The following AFF4 variants were observed in gnomAD, a reference collection of about 807,000 sequenced individuals.
AFF4 encodes the protein ALF transcription elongation factor 4, also known as AF4/FMR2 family member 4.
A neutral mutation model predicts 124.8 loss-of-function variants in AFF4; 13 were observed. The observed-to-expected ratio is 0.10, with a 90% CI of 0.07 to 0.17. The LOEUF (loss-of-function observed/expected upper bound fraction) is 0.17. Ranked by LOEUF, AFF4 falls within the 10% of genes least tolerant of loss-of-function variation. The probability of loss-of-function intolerance (pLI) is 1.00; values close to 1 mark genes in which losing one functional copy is unlikely to be tolerated. For synonymous variants in AFF4, 477 were observed against 496.1 expected, an observed-to-expected ratio of 0.96 and a Z score of 0.51; for missense variants, 1,092 against 1,403.8, an observed-to-expected ratio of 0.78 and a Z score of 3.55.
chr5:132,895,808 G>C (rs544982077), intron 11 of AFF4, among the ~76,000 whole-genome samples: 11 of 152,318 alleles, frequency 7.2e-5, no homozygotes, highest in African/African-American at 2.6e-4. Context: ...AATTATCTTG[G>C]AAGTATTTAG....
chr5:132,893,302 A>G (rs1760308302), intron 11 of AFF4, among the ~76,000 whole-genome samples, 184 bp from the exon 12 acceptor site: 1 of 152,204 alleles, frequency 6.6e-6, no homozygotes, highest in Non-Finnish European at 1.5e-5. Flanking sequence ...CCTATTTTAG[A>G]TACACAAAAC....
rs752156289 is a variant in AFF4, at chr5:132,889,092, C to T, written c.2719G>A (p.Val907Ile). The change falls in exon 14 of 21, where the codon GTC (valine) becomes ATC (isoleucine). Residue 907 changes from valine to isoleucine, a missense_variant. Val to Ile is a conservative substitution (Grantham distance 29, BLOSUM62 3). Around this residue, in one of 11 missense-constraint regions of AFF4, gnomAD observed 293 missense variants for 280.2 expected, o/e 1.05. Transcript: ENST00000265343. ...DSSKPRRTKL[V>I]FDDRNYSADH... ...ATATTATCTCACCTGTCATCAAAGACAAGCTTTGTTCTCCGAGGCTTAGAA... is the reference window on the plus strand; with the variant it reads ...ATATTATCTCACCTGTCATCAAAGATAAGCTTTGTTCTCCGAGGCTTAGAA... 6.8e-6 allele frequency: 11 copies of T among 1,612,756 alleles called. No individual in the cohort carries two copies. Among genetic ancestry groups the T allele is most frequent in the Admixed American group, 1.7e-5 (1 of 59,982 alleles).
At chr5:132,949,816 C>T (rs779049446) in intron 1 of AFF4, among the ~76,000 whole-genome samples, 7 of 144,566 alleles carry the variant, frequency 4.8e-5, no homozygotes, top group East Asian at 2.0e-4. Context: ...GAGCAGAGAT[C>T]GCGCCACTGC....
chr5:132,902,987 T>C (rs928690943), intron 6 of AFF4, among the ~76,000 whole-genome samples: 3 of 152,196 alleles, frequency 2.0e-5, no homozygotes, highest in Admixed American at 1.3e-4. Context: ...TATGCTGATA[T>C]AGAAATAGCT....
chr5:132,902,617 C>T (rs577456400), intron 6 of AFF4, 130 bp from the exon 7 acceptor site: 7 of 707,826 alleles, frequency 9.9e-6, no homozygotes, highest in South Asian at 5.1e-5. Flanking sequence ...AAACTGGTAA[C>T]ACCTTCAAGC....
At chr5:132,916,566 T>A (rs1006856414) in intron 5 of AFF4, among the ~76,000 whole-genome samples, 1 of 152,178 alleles carries the variant, frequency 6.6e-6, no homozygotes, top group African/African-American at 2.4e-5. Flanking sequence ...ATGATCTTAA[T>A]ACTTCAGCCC....
intron 1 of AFF4, among the ~76,000 whole-genome samples, chr5:132,954,157 C>T (rs529551930): frequency 6.6e-6 from 1 of 152,306 alleles, no homozygotes; most frequent in Admixed American, 6.5e-5. Flanking sequence ...ACCAGTTTCA[C>T]AGACGACAAT....
In AFF4 at chr5:132,898,217, G is replaced by T; in HGVS notation, c.1389+13C>A. 6.8e-6 allele frequency: 11 copies of T among 1,613,818 alleles called. No individual in the cohort carries two copies. The highest frequency in any genetic ancestry group is 9.3e-6 in the Non-Finnish European group (11 of 1,179,870). The stretch of plus-strand genomic sequence containing the variant: ...GAGGGCCTGTGGAAGGTACCCCACC[G>T]CCTCTGTCTCACCTCGGGAGATGCA... On this transcript the variant is annotated intron_variant, in intron 10 of 20. Coordinates refer to ENST00000265343, the MANE Select transcript of AFF4 (RefSeq NM_014423.4).
intron 1 of AFF4, chr5:132,948,406 T>C (rs1393406774): frequency 6.6e-6 from 1 of 152,192 alleles, no homozygotes; most frequent in Non-Finnish European, 1.5e-5. Context: ...CTAATTTTCA[T>C]TCACAAATAA....
chr5:132,910,864 G>A (rs1760778926), intron 5 of AFF4, among the ~76,000 whole-genome samples: 1 of 152,174 alleles, frequency 6.6e-6, no homozygotes, highest in Non-Finnish European at 1.5e-5. Context: ...TCTATCTCCA[G>A]TGTCAAGAAC....
intron 5 of AFF4, among the ~76,000 whole-genome samples, chr5:132,918,695 A>G (rs933398364): frequency 1.3e-5 from 2 of 152,120 alleles, no homozygotes; most frequent in Admixed American, 1.3e-4. Flanking sequence ...CAAAATCTAC[A>G]TATTGAAAAC....
intron 5 of AFF4, among the ~76,000 whole-genome samples, chr5:132,904,817 G>A (rs939106027): frequency 7.9e-5 from 12 of 151,962 alleles, no homozygotes; most frequent in Admixed American, 1.3e-4. Context: ...TTGGGAGGCC[G>A]AGGCTGGCGG....
At chr5:132,959,748 A>C (rs1581343981) in intron 1 of AFF4, among the ~76,000 whole-genome samples, 1 of 134,542 alleles carries the variant, frequency 7.4e-6, no homozygotes, top group Non-Finnish European at 1.6e-5. Flanking sequence ...AACAAGTAGG[A>C]GTGCTTTTCT....
chr5:132,913,403 T>A (rs1760838141), intron 5 of AFF4, among the ~76,000 whole-genome samples: 1 of 152,200 alleles, frequency 6.6e-6, no homozygotes, highest in African/African-American at 2.4e-5. Context: ...TATAACACTA[T>A]AAGCCAACTT....
At chr5:132,908,776 A>ATATTT (rs375891983) in intron 5 of AFF4, among the ~76,000 whole-genome samples, 261 of 114,886 alleles carry the variant, frequency 2.3e-3, no homozygotes, top group African/African-American at 7.0e-3. Flanking sequence ...ATATATATAT[A>ATATTT]TTTTTTTTTT....
Position 132,880,259 on chromosome 5 carries a change from C to G in AFF4, c.*800G>C. 1 of 398,940 alleles carries G rather than the reference C, an allele frequency of 2.5e-6. No individual in the cohort carries two copies. 24.7% of individuals were successfully genotyped at this position (398,940 alleles called of 1,614,324 possible). A position where few individuals can be genotyped will look rare whatever the true frequency, so the allele number is the denominator to read the frequency against. ...AGGATTGTCCTTTTATGAAACCCTT[C>G]AACATGAAATGCTTCTTCTAGAAAG... On this transcript the variant is annotated 3_prime_UTR_variant, in exon 21 of 21. Coordinates refer to ENST00000265343, the MANE Select transcript of AFF4 (RefSeq NM_014423.4).
chr5:132,883,478 C>A lies in AFF4; in HGVS notation c.3226G>T (p.Ala1076Ser). 6.2e-7 allele frequency: 1 copy of A among 1,614,048 alleles called. No homozygotes were observed. The highest frequency in any genetic ancestry group is 8.5e-7 in the Non-Finnish European group (1 of 1,180,028). Residue 1076 changes from alanine (A) to serine (S), a missense_variant, in exon 20 of 21, where the codon GCT (alanine) becomes TCT (serine). Around this residue, in one of 11 missense-constraint regions of AFF4, gnomAD observed 173 missense variants for 294.9 expected, o/e 0.59. Transcript: ENST00000265343. ...SGNYSSGASS[A>S]SASGSSVTIP... is the part of the protein sequence containing the mutation. ...GTCACTGAAGAACCACTTGCAGAAG[C>A]ACTACTGGCCCCAGATGAATAATTT...
intron 2 of AFF4, among the ~76,000 whole-genome samples, chr5:132,936,266 CAAAAAAA>C (rs747936348): frequency 2.2e-4 from 10 of 45,460 alleles, no homozygotes; most frequent in East Asian, 1.2e-3. Flanking sequence ...GACTCCGTCT[CAAAAAAA>C]AAAAAAAAAA....
At chr5:132,928,441 T>C (rs1761227234) in intron 4 of AFF4, among the ~76,000 whole-genome samples, 1 of 152,222 alleles carries the variant, frequency 6.6e-6, no homozygotes, top group Admixed American at 6.5e-5. Context: ...CTAGTGATCT[T>C]TGTAGCCAAG....
Sources: gnomAD v4.1 joint callset for allele counts (sites outside exome capture counted in the v4.1 genomes callset) on GRCh38, gnomAD v4.1.1 for gene constraint, gnomAD v4.1.1 regional missense constraint, MANE v1.5 for transcripts, NCBI Gene and HGNC (gene_info 2026-07-23, HGNC 2026-07-21) for gene names.